The following PPA2 variants were observed in gnomAD, a reference collection of about 807,000 sequenced individuals.
PPA2 encodes the protein inorganic pyrophosphatase 2, mitochondrial.
Under a neutral mutation model 49.5 loss-of-function variants are expected in PPA2, and 48 were observed. That is an observed-to-expected ratio of 0.97 (90% CI 0.77 to 1.23). PPA2 has a LOEUF of 1.23. Among genes scored for constraint, PPA2 ranks in the 50% most tolerant of loss-of-function variants. PPA2 has a pLI of 0.00. For synonymous variants in PPA2, 131 were observed against 139.9 expected (o/e 0.94, Z 0.45); for missense variants, 429 against 410.1 (o/e 1.05, Z -0.40).
At chr4:105,437,051 A>T (rs1724093147) in intron 6 of PPA2, among the ~76,000 whole-genome samples, 1 of 152,118 alleles carries the variant, frequency 6.6e-6, no homozygotes, top group African/African-American at 2.4e-5. Context: ...GGGAGAAAAA[A>T]TCTGCAAAGT....
intron 1 of PPA2, among the ~76,000 whole-genome samples, chr4:105,468,855 C>G (rs1365614956): frequency 6.6e-6 from 1 of 151,860 alleles, no homozygotes; most frequent in African/African-American, 2.4e-5. Context: ...TTAAACTAAT[C>G]CCCCTGTGTT....
At chr4:105,468,650 G>C (rs956842604) in intron 1 of PPA2, among the ~76,000 whole-genome samples, 1 of 152,160 alleles carries the variant, frequency 6.6e-6, no homozygotes, top group Non-Finnish European at 1.5e-5. Flanking sequence ...TGTTCCCACA[G>C]AGATGAATGG....
chr4:105,442,351 TAAAC>T (rs1349034925), intron 5 of PPA2, among the ~76,000 whole-genome samples: 2 of 152,170 alleles, frequency 1.3e-5, no homozygotes, highest in Non-Finnish European at 2.9e-5. Flanking sequence ...ATCATACAGA[TAAAC>T]AAACAGGCCT....
At chr4:105,384,055 A>G (rs964652245) in intron 10 of PPA2, among the ~76,000 whole-genome samples, 11 of 152,232 alleles carry the variant, frequency 7.2e-5, no homozygotes, top group Admixed American at 2.6e-4. Context: ...TTTATGACAA[A>G]GAATTTCATT....
chr4:105,395,387 T>G (rs1436144099), intron 9 of PPA2, among the ~76,000 whole-genome samples: 1 of 151,836 alleles, frequency 6.6e-6, no homozygotes, highest in Admixed American at 6.6e-5. Context: ...CCCACAGGAC[T>G]GCTTTTGCCT....
chr4:105,430,948 G>A (rs2636739), intron 6 of PPA2, among the ~76,000 whole-genome samples: 84,935 of 151,872 alleles, frequency 0.56, 23,822 homozygotes, highest in East Asian at 0.68. Context: ...GATTCACAAC[G>A]GTTAAATAAT....
At chr4:105,461,424 T>C (rs1420294321) in intron 1 of PPA2, among the ~76,000 whole-genome samples, 2 of 152,198 alleles carry the variant, frequency 1.3e-5, no homozygotes, top group Non-Finnish European at 2.9e-5. Flanking sequence ...GCTGGTCAGT[T>C]GTTTTGTGGA....
chr4:105,448,962 T>C (rs1722536654), intron 4 of PPA2, among the ~76,000 whole-genome samples: 1 of 148,026 alleles, frequency 6.8e-6, no homozygotes, highest in South Asian at 2.1e-4. Flanking sequence ...CTCACGCCTG[T>C]AATCCCAGCA....
At chr4:105,428,760 T>G (rs542015467) in intron 6 of PPA2, among the ~76,000 whole-genome samples, 122 of 152,152 alleles carry the variant, frequency 8.0e-4, no homozygotes, top group Middle Eastern at 3.4e-3. Flanking sequence ...ATGGCACATA[T>G]ATACCTACGT....
chr4:105,450,676 C>T lies in PPA2; in HGVS notation c.268-1273G>A, dbSNP rs138161387. ...AGGCTGGAGCGCAGTGGCGCAATCT[C>T]GGCTCACTGCAAGATCCGCCTCCCG... On this transcript the variant is annotated intron_variant, in intron 3 of 11. Transcript: ENST00000341695. 1.6e-3 allele frequency among the ~76,000 whole-genome samples: 224 copies of T among 144,120 alleles called. 2 individuals are homozygous for T. The highest frequency in any genetic ancestry group is 5.6e-3 in the African/African-American group (217 of 38,508). The allele number at this position is 144,120 out of a possible 152,430, so 94.5% of individuals were successfully genotyped here. A position where few individuals can be genotyped will look rare whatever the true frequency, so the allele number is the denominator to read the frequency against.
chr4:105,460,944 C>T (rs1196997111), intron 1 of PPA2, among the ~76,000 whole-genome samples: 1 of 151,172 alleles, frequency 6.6e-6, no homozygotes, highest in African/African-American at 2.5e-5. Flanking sequence ...CTTACATAAC[C>T]ATACCTACTA....
chr4:105,468,426 A>G (rs1723395216), intron 1 of PPA2, among the ~76,000 whole-genome samples: 1 of 152,168 alleles, frequency 6.6e-6, no homozygotes, highest in Non-Finnish European at 1.5e-5. Context: ...AAAGACAAAA[A>G]AAGTGTTTCA....
intron 10 of PPA2, among the ~76,000 whole-genome samples, chr4:105,373,852 A>T (rs1733129821): frequency 6.6e-6 from 1 of 152,028 alleles, no homozygotes; most frequent in Non-Finnish European, 1.5e-5. Context: ...AAGGTAATTT[A>T]AAAAAATACC....
At chr4:105,391,344 C>CA (rs11373169) in intron 9 of PPA2, among the ~76,000 whole-genome samples, 18,482 of 102,664 alleles carry the variant, frequency 0.18, 1,670 homozygotes, top group African/African-American at 0.21. Flanking sequence ...CTTAAAGTAA[C>CA]AAAAAAAAAA....
At chr4:105,440,114 C>T (rs1724278566) in intron 5 of PPA2, among the ~76,000 whole-genome samples, 1 of 152,078 alleles carries the variant, frequency 6.6e-6, no homozygotes, top group Non-Finnish European at 1.5e-5. Flanking sequence ...CTTATCCCTA[C>T]TCCCACTCCC....
rs112749922 is a variant in PPA2 at position 105,400,259 on chromosome 4, G to C, written c.656-1095C>G. On this transcript the variant is annotated intron_variant, in intron 7 of 11. Coordinates refer to ENST00000341695, the MANE Select transcript of PPA2 (RefSeq NM_176869.3). ...AAAATTAATTAATATTGAGTTCCTT[G>C]AACGAACGGTTTTCTTATTCAGAGG... Among the ~76,000 whole-genome samples the C allele has an allele frequency of 4.2e-4, 64 of 151,880 alleles. 1 individual carries two copies. The South Asian group carries it at 0.012, about 30-fold the overall frequency.
At chr4:105,450,630 C>T (rs1311175797) in intron 3 of PPA2, among the ~76,000 whole-genome samples, 3 of 51,094 alleles carry the variant, frequency 5.9e-5, no homozygotes, top group African/African-American at 1.1e-4. Context: ...TTTTTTGAGA[C>T]GGAGTCTCGC....
At chr4:105,397,041 C>T (rs1734178274) in intron 8 of PPA2, among the ~76,000 whole-genome samples, 2 of 152,150 alleles carry the variant, frequency 1.3e-5, no homozygotes, top group Admixed American at 6.6e-5. Flanking sequence ...GATATACATC[C>T]AGTAAGAATA....
intron 1 of PPA2, among the ~76,000 whole-genome samples, chr4:105,461,385 C>T (rs922725016): frequency 3.3e-5 from 5 of 152,258 alleles, no homozygotes; most frequent in Admixed American, 2.6e-4. Flanking sequence ...TCCATAGATT[C>T]GCCAGAACCA....
Sources: gnomAD v4.1 joint callset for allele counts (sites outside exome capture counted in the v4.1 genomes callset) on GRCh38, gnomAD v4.1.1 for gene constraint, MANE v1.5 for transcripts, NCBI Gene and HGNC (gene_info 2026-07-23, HGNC 2026-07-21) for gene names.